Variants in GLIS2 observed in about 807,000 individuals in gnomAD.
GLIS2 encodes the protein zinc finger protein GLIS2.
Under a neutral mutation model 35.6 loss-of-function variants are expected in GLIS2, and 14 were observed. The observed-to-expected ratio is 0.39, with a 90% CI of 0.26 to 0.61. The LOEUF is 0.61. Ranked by LOEUF, GLIS2 falls within the 20% of genes least tolerant of loss-of-function variation. GLIS2 has a pLI of 0.48. For missense variants in GLIS2, 675 were observed against 713.4 expected, an observed-to-expected ratio of 0.95 and a Z score of 0.61; for synonymous variants, 368 against 325.1, an observed-to-expected ratio of 1.13 and a Z score of -1.42.
intron 1 of GLIS2, among the ~76,000 whole-genome samples, chr16:4,323,215 C>T (rs770416895): frequency 2.0e-5 from 3 of 152,182 alleles, no homozygotes; most frequent in Non-Finnish European, 4.4e-5. Flanking sequence ...CCTTGCTGGG[C>T]GTGCATCCCT....
chr16:4,321,280 C>T (rs1436376153), intron 1 of GLIS2, among the ~76,000 whole-genome samples: 1 of 152,178 alleles, frequency 6.6e-6, no homozygotes, highest in African/African-American at 2.4e-5. Context: ...TCCTGGGTCC[C>T]TTGCCTGGGA....
Position 4,332,111 on chromosome 16 carries a change from C to A in GLIS2, c.-66-104C>A, listed in dbSNP as rs1596239728. On this transcript the variant is annotated intron_variant, in intron 1 of 6. Transcript: ENST00000433375. This position sits in a 1 kb window ranked among gnomAD's most constrained non-coding sequence, Gnocchi z 5.4. ...GAGGGTCTCCCTACCCAGGAGACAACCTCACACTGCCCCCTGCTCCTGCTC... is the reference window on the plus strand; with the variant it reads ...GAGGGTCTCCCTACCCAGGAGACAAACTCACACTGCCCCCTGCTCCTGCTC... 5 of 881,150 alleles carry A rather than the reference C, an allele frequency of 5.7e-6. 1 individual carries two copies. The Admixed American group carries it at 1.0e-4, about 18-fold the overall frequency. 54.6% of individuals were successfully genotyped at this position (881,150 alleles called of 1,614,324 possible). A position where few individuals can be genotyped will look rare whatever the true frequency, so the allele number is the denominator to read the frequency against.
intron 1 of GLIS2, among the ~76,000 whole-genome samples, chr16:4,318,804 C>G (rs1296633608): frequency 6.6e-6 from 1 of 152,244 alleles, no homozygotes; most frequent in African/African-American, 2.4e-5. Context: ...ATGTGTTTTC[C>G]CGGCAACAAT....
chr16:4,321,551 C>T (rs1037421353), intron 1 of GLIS2, among the ~76,000 whole-genome samples: 19 of 152,294 alleles, frequency 1.2e-4, no homozygotes, highest in Admixed American at 9.8e-4. Flanking sequence ...GTTGGAGCTT[C>T]GGCTGTCCTC....
In GLIS2 at chr16:4,332,057, C is replaced by T. The variant is rs540007912; in HGVS notation, c.-66-158C>T. Reference sequence around the variant, plus strand: ...CTCTGAGGAGGCTGTTGGCTCTCCCCCCATGATAGCTGCCGGCCAGGTCGC... The same window carrying T: ...CTCTGAGGAGGCTGTTGGCTCTCCCTCCATGATAGCTGCCGGCCAGGTCGC... On this transcript the variant is annotated intron_variant, in intron 1 of 6. Transcript: ENST00000433375. This position sits in a 1 kb window ranked among gnomAD's most constrained non-coding sequence, Gnocchi z 5.4. Among the ~76,000 whole-genome samples the T allele has an allele frequency of 1.3e-5, 2 of 152,296 alleles. No homozygotes were observed. Among genetic ancestry groups the T allele is most frequent in the East Asian group, 3.9e-4 (2 of 5,186 alleles).
chr16:4,333,500 C>T lies in GLIS2; in HGVS notation c.326C>T (p.Pro109Leu). ...SPERQGNGDL[P>L]PVPSASDFQP... ...GAGCGCCAGGGCAACGGGGACCTGC[C>T]TCCAGTGCCCAGTGCCTCGGTAAGG... The change falls in exon 3 of 7, where the codon CCT (proline) becomes CTT (leucine). Residue 109 changes from proline to leucine, a missense_variant. Physicochemically the swap from Pro to Leu is moderately conservative, Grantham distance 98. Transcript: ENST00000433375. The T allele has an allele frequency of 1.9e-6, 3 of 1,611,412 alleles. No individual in the cohort carries two copies. Among genetic ancestry groups the T allele is most frequent in the Non-Finnish European group, 2.5e-6 (3 of 1,179,124 alleles).
intron 1 of GLIS2, among the ~76,000 whole-genome samples, chr16:4,321,930 G>A (rs1468385772): frequency 2.0e-5 from 3 of 152,300 alleles, no homozygotes; most frequent in East Asian, 1.9e-4. Context: ...TGCCTCCAGC[G>A]GGGGTGGACA....
At chr16:4,329,763 G>A (rs1479034235) in intron 1 of GLIS2, among the ~76,000 whole-genome samples, 1 of 152,214 alleles carries the variant, frequency 6.6e-6, no homozygotes, top group African/African-American at 2.4e-5. Context: ...CTTTGGTATT[G>A]AGTAAAGACC....
intron 1 of GLIS2, among the ~76,000 whole-genome samples, chr16:4,324,272 C>T (rs552156413): frequency 6.6e-6 from 1 of 152,250 alleles, no homozygotes; most frequent in Admixed American, 6.5e-5. Flanking sequence ...CTGCCCTGGC[C>T]CCTCTCCTGG....
chr16:4,322,736 G>A (rs1426095997), intron 1 of GLIS2, among the ~76,000 whole-genome samples: 1 of 152,132 alleles, frequency 6.6e-6, no homozygotes, highest in East Asian at 1.9e-4. Context: ...GAGAACCGAG[G>A]CAGGAGGGCA....
chr16:4,317,221 C>A (rs563902512), intron 1 of GLIS2, among the ~76,000 whole-genome samples: 2 of 152,184 alleles, frequency 1.3e-5, no homozygotes, highest in African/African-American at 2.4e-5. Context: ...GGGCCCCCAG[C>A]CATCACAGCC....
intron 3 of GLIS2, among the ~76,000 whole-genome samples, chr16:4,333,758 C>T (rs1474236361): frequency 6.6e-6 from 1 of 152,122 alleles, no homozygotes; most frequent in Non-Finnish European, 1.5e-5. Context: ...CAGGCTCTGC[C>T]CTGTCTTCAC....
At chr16:4,322,756 C>A (rs918679591) in intron 1 of GLIS2, among the ~76,000 whole-genome samples, 4 of 152,122 alleles carry the variant, frequency 2.6e-5, no homozygotes, top group African/African-American at 7.2e-5. Flanking sequence ...AGGCCAAGGT[C>A]CACCGCCCGC....
chr16:4,319,972 G>C (rs1049515421), intron 1 of GLIS2, among the ~76,000 whole-genome samples: 1 of 151,832 alleles, frequency 6.6e-6, no homozygotes, highest in African/African-American at 2.4e-5. Flanking sequence ...CAGCTGAGGG[G>C]TGGGGGCTTC....
At position 4,337,868 on chromosome 16, in the gene GLIS2, T is replaced by C; in HGVS notation, c.*344T>C. ...ACCTCCCTCACCTAGTGACCACCCA[T>C]GGCAAGTTGCCCTCTCCCAGCAGAG... is the stretch of plus-strand genomic sequence containing the variant. On this transcript the variant is annotated 3_prime_UTR_variant, in exon 7 of 7. Transcript: ENST00000433375. The C allele has an allele frequency of 4.6e-6, 2 of 437,898 alleles. No individual in the cohort carries two copies. The highest frequency in any genetic ancestry group is 8.5e-6 in the Non-Finnish European group (2 of 235,374). 27.1% of individuals were successfully genotyped at this position (437,898 alleles called of 1,614,324 possible).
intron 1 of GLIS2, chr16:4,331,840 C>T (rs1005032752): frequency 4.0e-6 from 1 of 251,340 alleles, no homozygotes; most frequent in Non-Finnish European, 7.9e-6. Flanking sequence ...TCCCAGCTAC[C>T]AGGGAGGCTG....
chr16:4,328,417 G>A (rs2053461314), intron 1 of GLIS2: 1 of 152,594 alleles, frequency 6.6e-6, no homozygotes, highest in African/African-American at 2.4e-5. Flanking sequence ...GGGCGGGGGT[G>A]GAAGGGGAGG....
intron 1 of GLIS2, chr16:4,331,796 T>C (rs1044116131): frequency 5.0e-6 from 1 of 200,598 alleles, no homozygotes; most frequent in Non-Finnish European, 1.0e-5. Flanking sequence ...AAAATTTTTT[T>C]TTTTAATTAG....
rs776041769 is a variant in GLIS2, at chr16:4,337,414, G to A, written c.1465G>A (p.Asp489Asn). The stretch of plus-strand genomic sequence containing the variant: ...CCCCCTGCTGCCAGGCACCGTGCTG[G>A]ACCTGTCCACGGGCGTCAACTCAGC... ...GLPLLPGTVL[D>N]LSTGVNSAAS... The change falls in exon 7 of 7, where the codon GAC (aspartate) becomes AAC (asparagine). Residue 489 changes from aspartate (D) to asparagine (N), a missense_variant. Around this residue, in one of 3 missense-constraint regions of GLIS2, gnomAD observed 317 missense variants for 283.2 expected, o/e 1.12. Transcript: ENST00000433375. 11 of 1,588,490 alleles carry A rather than the reference G, an allele frequency of 6.9e-6. No individual in the cohort carries two copies. In the African/African-American group the frequency reaches 1.1e-4, roughly 16 times the overall value.
Sources: allele counts gnomAD v4.1 joint callset (sites outside exome capture counted in the v4.1 genomes callset), GRCh38; gene constraint gnomAD v4.1.1; regional missense constraint gnomAD v4.1.1; non-coding constraint Gnocchi (gnomAD v3.1); transcripts MANE v1.5; gene names NCBI Gene and HGNC (gene_info 2026-07-23, HGNC 2026-07-21).